TRPM5: variants seen among roughly 807,000 people sequenced by gnomAD.
The protein encoded by TRPM5 is transient receptor potential cation channel subfamily M member 5.
A neutral mutation model predicts 124.9 loss-of-function variants in TRPM5; 121 were observed. That is an observed-to-expected ratio of 0.97 (90% CI 0.84 to 1.13). The LOEUF (loss-of-function observed/expected upper bound fraction) is 1.13. Ranked by LOEUF, TRPM5 falls within the 50% of genes most tolerant of loss-of-function variation. TRPM5 has a pLI of 0.00. For missense variants in TRPM5, 1,643 were observed against 1,589.1 expected, an observed-to-expected ratio of 1.03 and a Z score of -0.58; for synonymous variants, 781 against 700.5, an observed-to-expected ratio of 1.11 and a Z score of -1.81.
chr11:2,407,611 C>T, intron 19 of TRPM5, 148 bp downstream of exon 24: 1 of 1,082,008 alleles, frequency 9.2e-7, no homozygotes, highest in Non-Finnish European at 1.3e-6. Flanking sequence ...CCCTGCAGTC[C>T]AGGCTATGCC....
intron 18 of TRPM5, chr11:2,410,705 C>T (rs2133508153): frequency 2.2e-6 from 1 of 455,646 alleles, no homozygotes; most frequent in Admixed American, 2.4e-5. Context: ...TTTCCAGAGC[C>T]TCCACCAGCC....
chr11:2,429,783 G>A, the TRPM5 span, among the ~76,000 whole-genome samples: 1 of 151,992 alleles, frequency 6.6e-6, no homozygotes, highest in Non-Finnish European at 1.5e-5. The surrounding 1 kb of genome is among the most constrained non-coding windows in gnomAD (Gnocchi z 8.4). Flanking sequence ...TTGGCTCTGT[G>A]TTCCCTTCCA....
At chr11:2,429,989 A>C in the TRPM5 span, among the ~76,000 whole-genome samples, 2 of 150,674 alleles carry the variant, frequency 1.3e-5, no homozygotes, top group African/African-American at 4.9e-5. The surrounding 1 kb of genome is among the most constrained non-coding windows in gnomAD (Gnocchi z 8.4). Context: ...AAGTCTATGG[A>C]GTTGGGGGGC....
At chr11:2,441,198 C>T in the TRPM5 span, among the ~76,000 whole-genome samples, 28 of 152,262 alleles carry the variant, frequency 1.8e-4, no homozygotes, top group South Asian at 3.7e-3. This position sits in a 1 kb window ranked among gnomAD's most constrained non-coding sequence, Gnocchi z 7.2. Context: ...GTGCACCCAC[C>T]GGAATGATAG....
chr11:2,408,882 T>C (rs1271233193), intron 18 of TRPM5, among the ~76,000 whole-genome samples: 1 of 152,228 alleles, frequency 6.6e-6, no homozygotes, highest in East Asian at 1.9e-4. Flanking sequence ...TGTGTGAGCC[T>C]GTACATGTGA....
At chr11:2,423,700 G>A (rs1208701330), upstream of TRPM5, among the ~76,000 whole-genome samples, 1 of 152,214 alleles carries the variant, frequency 6.6e-6, no homozygotes, top group East Asian at 1.9e-4. Context: ...AGCGGGGGTA[G>A]AAGAGGCCGC....
Position 2,416,364 on chromosome 11 carries a change from C to T in TRPM5, c.1010-340G>A, listed in dbSNP as rs753000463. ...CCAGGACACCCTTCCTGGATGTTGTCGGGGGAGCAAGCTGGGCCACGTTTC... is the reference window on the plus strand; with the variant it reads ...CCAGGACACCCTTCCTGGATGTTGTTGGGGGAGCAAGCTGGGCCACGTTTC... On this transcript the variant is annotated intron_variant, in intron 7 of 23. Transcript: ENST00000155858. Among the ~76,000 whole-genome samples, 8 of 152,178 alleles carry T rather than the reference C, an allele frequency of 5.3e-5. No homozygotes were observed. The South Asian group carries it at 8.3e-4, about 16-fold the overall frequency.
Position 2,406,060 on chromosome 11 carries a change from GA to G in TRPM5, c.3282del (p.Leu1095Ter). 5.6e-6 allele frequency: 9 copies of G among 1,612,380 alleles called. No homozygotes were observed. The highest frequency in any genetic ancestry group is 6.8e-6 in the Non-Finnish European group (8 of 1,179,966). ...TTGATGCGCTTTTCTTGCTCTCTCA[GA>G]CCCCCGAGGTACTTGGCAATGAAGT... On this transcript the variant is annotated frameshift_variant, in exon 22 of 24. Coordinates refer to ENST00000155858, the Ensembl canonical transcript of TRPM5. LOFTEE classifies it high-confidence loss of function.
exon 2 of TRPM5, chr11:2,422,208 A>C (rs1845782634): frequency 1.9e-6 from 3 of 1,612,356 alleles, no homozygotes; most frequent in Non-Finnish European, 2.5e-6. Flanking sequence ...TCATGGCGAA[A>C]GGCTGCTCCT....
chr11:2,406,622 A>C (rs1589864975), intron 21 of TRPM5, 39 bp downstream of exon 26: 6 of 1,556,408 alleles, frequency 3.9e-6, no homozygotes, highest in Non-Finnish European at 5.2e-6. Context: ...GCTTAAAGAC[A>C]GCCCGATACC....
chr11:2,432,032 G>A, the TRPM5 span, among the ~76,000 whole-genome samples: 7 of 152,312 alleles, frequency 4.6e-5, no homozygotes, highest in Middle Eastern at 3.4e-3. Flanking sequence ...AGGCAGAGAC[G>A]GAGGTGTCTA....
At chr11:2,440,594 T>C in the TRPM5 span, among the ~76,000 whole-genome samples, 1 of 152,126 alleles carries the variant, frequency 6.6e-6, no homozygotes, top group African/African-American at 2.4e-5. The surrounding 1 kb of genome is among the most constrained non-coding windows in gnomAD (Gnocchi z 5.2). Flanking sequence ...GAGACGCCCC[T>C]GGGACCCTTG....
chr11:2,414,009 G>GGGCGCCCCCCCCCCC, intron 12 of TRPM5, 52 bp downstream of exon 17: 37 of 1,023,708 alleles, frequency 3.6e-5, no homozygotes, highest in East Asian at 1.7e-4. Flanking sequence ...GGCCCAGCTC[G>GGGCGCCCCCCCCCCC]CCCGCCCACC....
intron 20 of TRPM5, 27 bp from the exon 26 acceptor site, chr11:2,406,820 T>G: frequency 2.5e-6 from 4 of 1,601,536 alleles, no homozygotes; most frequent in Non-Finnish European, 3.4e-6. Flanking sequence ...GCAGCCAGCA[T>G]TACTAGAGCA....
At chr11:2,426,752 T>A (rs1386151827), upstream of TRPM5, among the ~76,000 whole-genome samples, 1 of 152,014 alleles carries the variant, frequency 6.6e-6, no homozygotes, top group Non-Finnish European at 1.5e-5. Context: ...ATTTGTGAGA[T>A]TTGGGGGAAC....
chr11:2,413,037 G>A (rs771456520), intron 14 of TRPM5, 25 bp from the exon 20 acceptor site: 2 of 1,585,360 alleles, frequency 1.3e-6, no homozygotes, highest in Non-Finnish European at 1.7e-6. Flanking sequence ...AGTTCGCAGT[G>A]GTGAGGCTGG....
the TRPM5 span, among the ~76,000 whole-genome samples, chr11:2,440,314 T>G: frequency 2.6e-5 from 4 of 152,260 alleles, no homozygotes; most frequent in South Asian, 8.3e-4. This position sits in a 1 kb window ranked among gnomAD's most constrained non-coding sequence, Gnocchi z 5.2. Flanking sequence ...ACATACCCTC[T>G]GAATCTAAAA....
In TRPM5 at chr11:2,417,708, C is replaced by T; in HGVS notation, c.1009+19G>A. 1.2e-5 allele frequency: 6 copies of T among 505,088 alleles called. No homozygotes were observed. The highest frequency in any genetic ancestry group is 2.4e-5 in the Non-Finnish European group (6 of 252,074). 31.3% of individuals were successfully genotyped at this position (505,088 alleles called of 1,614,324 possible). On this transcript the variant is annotated intron_variant, in intron 7 of 23. Transcript: ENST00000155858. ...AGCCCCCCAATGGCGCCTGCCTTGC[C>T]CACCCTGCCCGCCCTCACCTTTCAC...
the TRPM5 span, among the ~76,000 whole-genome samples, chr11:2,430,746 T>G: frequency 6.5e-4 from 67 of 103,396 alleles, no homozygotes; most frequent in East Asian, 9.7e-4. Context: ...GGTGATGGTG[T>G]TGGTGGTGGT....
Sources: allele counts gnomAD v4.1 joint callset (sites outside exome capture counted in the v4.1 genomes callset), GRCh38; gene constraint gnomAD v4.1.1; non-coding constraint Gnocchi (gnomAD v3.1); transcripts MANE v1.5; gene names NCBI Gene and HGNC (gene_info 2026-07-23, HGNC 2026-07-21).